The following VPS53 variants were observed in gnomAD, a reference collection of about 807,000 sequenced individuals.
VPS53 encodes the protein vacuolar protein sorting-associated protein 53 homolog.
VPS53 carries 70 observed loss-of-function variants against 107.0 expected under a neutral mutation model. That is an observed-to-expected ratio of 0.65 (90% CI 0.54 to 0.80). The LOEUF (loss-of-function observed/expected upper bound fraction) is 0.80. Ranked by LOEUF, VPS53 falls within the 30% of genes least tolerant of loss-of-function variation. VPS53 has a pLI of 0.00. For synonymous variants in VPS53, 409 were observed against 393.3 expected, an observed-to-expected ratio of 1.04 and a Z score of -0.47; for missense variants, 917 against 1,049.4, an observed-to-expected ratio of 0.87 and a Z score of 1.74.
At chr17:562,817 A>G (rs1039816474) in intron 13 of VPS53, 72 bp from the exon 14 acceptor site, 1 of 1,523,352 alleles carries the variant, frequency 6.6e-7, no homozygotes, top group Non-Finnish European at 8.9e-7. Flanking sequence ...CTCGTTTGCA[A>G]TGTACATAAA....
At chr17:631,710 G>C in intron 7 of VPS53, 82 bp from the exon 8 acceptor site, 1 of 1,320,864 alleles carries the variant, frequency 7.6e-7, no homozygotes, top group Non-Finnish European at 1.1e-6. Flanking sequence ...CGGAAGGGCT[G>C]AAGTCTTTCG....
In VPS53 at chr17:537,127, G is replaced by C. The variant is rs1567605998; in HGVS notation, c.1916C>G (p.Thr639Ser). ...CTGCTTGATGTGCAGAATGACAGAGGTGACGTAGGGGCTCTGGTCACCAAC... is the reference window on the plus strand; with the variant it reads ...CTGCTTGATGTGCAGAATGACAGAGCTGACGTAGGGGCTCTGGTCACCAAC... ...EHVGDQSPYVTSVILHIKQNV... is the reference protein window; with the variant it reads ...EHVGDQSPYVSSVILHIKQNV... Residue 639 changes from threonine (T) to serine (S), a missense_variant, in exon 18 of 22, where the codon ACC becomes AGC. Physicochemically the swap from Thr to Ser is moderately conservative, Grantham distance 58. Coordinates refer to ENST00000437048, the MANE Select transcript of VPS53 (RefSeq NM_001128159.3). The C allele has an allele frequency of 1.2e-6, 2 of 1,614,118 alleles. No individual in the cohort carries two copies. The highest frequency in any genetic ancestry group is 1.7e-6 in the Non-Finnish European group (2 of 1,180,028).
At chr17:573,380 C>T (rs915074400) in intron 13 of VPS53, among the ~76,000 whole-genome samples, 2 of 152,252 alleles carry the variant, frequency 1.3e-5, no homozygotes, top group African/African-American at 2.4e-5. Flanking sequence ...TCCCCACTTC[C>T]TGCCTCCTCC....
chr17:564,178 T>C (rs1913275735), intron 13 of VPS53, among the ~76,000 whole-genome samples: 1 of 150,950 alleles, frequency 6.6e-6, no homozygotes, highest in South Asian at 2.1e-4. Flanking sequence ...GCGGATCACT[T>C]GAGGCCAGGA....
rs912971789 is a variant in VPS53, at chr17:517,085, C to T, written c.*2043G>A. 3.6e-5 allele frequency: 7 copies of T among 196,812 alleles called. No homozygotes were observed. Among genetic ancestry groups the T allele is most frequent in the South Asian group, 1.9e-4 (1 of 5,190 alleles). 12.2% of individuals were successfully genotyped at this position (196,812 alleles called of 1,614,324 possible). On this transcript the variant is annotated 3_prime_UTR_variant, in exon 22 of 22. Coordinates refer to ENST00000437048, the MANE Select transcript of VPS53 (RefSeq NM_001128159.3). Reference sequence around the variant, plus strand: ...GCCCCACCGCCCCTTTTCAACTGTACGGCTCAGGCTGCTTAACCATAGCAA... The same window carrying T: ...GCCCCACCGCCCCTTTTCAACTGTATGGCTCAGGCTGCTTAACCATAGCAA...
At chr17:645,259 C>T (rs1389716957) in intron 7 of VPS53, among the ~76,000 whole-genome samples, 1 of 152,212 alleles carries the variant, frequency 6.6e-6, no homozygotes, top group Non-Finnish European at 1.5e-5. Context: ...ACTTCACGTC[C>T]TAACGGGGGC....
chr17:550,438 A>T (rs114639634), intron 17 of VPS53, among the ~76,000 whole-genome samples: 1 of 152,224 alleles, frequency 6.6e-6, no homozygotes, highest in South Asian at 2.1e-4. Flanking sequence ...TCTCTGTTGC[A>T]ATGGCTCAAT....
At chr17:668,135 T>C (rs1221779916) in intron 4 of VPS53, among the ~76,000 whole-genome samples, 1 of 152,154 alleles carries the variant, frequency 6.6e-6, no homozygotes, top group Non-Finnish European at 1.5e-5. Flanking sequence ...GGACCAAGGA[T>C]ATGAACAGCA....
chr17:550,935 G>A (rs898965040), intron 17 of VPS53, among the ~76,000 whole-genome samples: 2 of 152,088 alleles, frequency 1.3e-5, no homozygotes, highest in Non-Finnish European at 2.9e-5. Flanking sequence ...AGAAGGAGTT[G>A]GAAAAACCTC....
At chr17:631,483 T>C in intron 8 of VPS53, 67 bp downstream of exon 8, 1 of 1,503,092 alleles carries the variant, frequency 6.7e-7, no homozygotes, top group Non-Finnish European at 9.3e-7. Flanking sequence ...ACATGGTGAC[T>C]GGGGTGAGCG....
Position 697,470 on chromosome 17 carries a change from T to C in VPS53, c.233A>G (p.Asn78Ser). Residue 78 changes from asparagine (N) to serine (S), a missense_variant, in exon 4 of 22, where the codon AAT (asparagine) becomes AGT (serine). By Grantham distance (46) the Asn-to-Ser change is conservative. Coordinates refer to ENST00000437048, the MANE Select transcript of VPS53 (RefSeq NM_001128159.3). ...CTGACCTCTTACAACAGTTCGAATA[T>C]TGTCATCCAGTCTCCTAGCAAAACA... ...IRLKIRRLDD[N>S]IRTVVRGQTN... 1 of 1,613,956 alleles carries C rather than the reference T, an allele frequency of 6.2e-7. No homozygotes were observed. The highest frequency in any genetic ancestry group is 2.2e-5 in the East Asian group (1 of 44,892).
chr17:605,775 A>G (rs546872485), intron 11 of VPS53, among the ~76,000 whole-genome samples: 1 of 139,224 alleles, frequency 7.2e-6, no homozygotes, highest in East Asian at 2.4e-4. Flanking sequence ...GAGTCGCATC[A>G]TATTGGTGAG....
intron 15 of VPS53, among the ~76,000 whole-genome samples, chr17:558,339 T>A (rs968666778): frequency 9.9e-5 from 15 of 151,586 alleles, no homozygotes; most frequent in African/African-American, 3.6e-4. Flanking sequence ...TGGTAGCGGG[T>A]GCCTGTAGTC....
At chr17:693,886 C>A (rs1005719261) in intron 4 of VPS53, among the ~76,000 whole-genome samples, 1 of 152,228 alleles carries the variant, frequency 6.6e-6, no homozygotes, top group African/African-American at 2.4e-5. Context: ...AAGCAAACTT[C>A]TCTTCTCTTC....
chr17:602,024 G>T, intron 11 of VPS53, 128 bp from the exon 12 acceptor site: 1 of 601,972 alleles, frequency 1.7e-6, no homozygotes, highest in Non-Finnish European at 2.6e-6. Flanking sequence ...AAGAACTGAG[G>T]CAACCCAGAC....
chr17:535,912 C>T (rs938646812), intron 18 of VPS53, among the ~76,000 whole-genome samples: 9 of 152,128 alleles, frequency 5.9e-5, no homozygotes, highest in African/African-American at 2.2e-4. Context: ...TGGGGGAAGA[C>T]AGAAACTTGG....
At chr17:549,148 C>A (rs1911576159) in intron 17 of VPS53, among the ~76,000 whole-genome samples, 2 of 152,106 alleles carry the variant, frequency 1.3e-5, no homozygotes, top group Non-Finnish European at 2.9e-5. Context: ...AGGGTCTGAA[C>A]TGAACTGTTT....
intron 13 of VPS53, among the ~76,000 whole-genome samples, chr17:572,947 A>G (rs1164623741): frequency 6.6e-6 from 1 of 151,788 alleles, no homozygotes; most frequent in Non-Finnish European, 1.5e-5. Flanking sequence ...TCACTTGTTT[A>G]TCTGCTGACC....
intron 3 of VPS53, among the ~76,000 whole-genome samples, chr17:698,853 GC>G (rs1404491660): frequency 6.6e-6 from 1 of 152,098 alleles, no homozygotes; most frequent in Non-Finnish European, 1.5e-5. Context: ...TGAGTTCCTT[GC>G]CACAAAGTTC....
Sources: gnomAD v4.1 joint callset for allele counts (sites outside exome capture counted in the v4.1 genomes callset) on GRCh38, gnomAD v4.1.1 for gene constraint, MANE v1.5 for transcripts, NCBI Gene and HGNC (gene_info 2026-07-23, HGNC 2026-07-21) for gene names.